The following HDAC9 variants were observed in gnomAD, a reference collection of about 807,000 sequenced individuals.
HDAC9 encodes the protein histone deacetylase 9.
A neutral mutation model predicts 139.4 loss-of-function variants in HDAC9; 41 were observed. That is an observed-to-expected ratio of 0.29 (90% confidence interval 0.23 to 0.38). The LOEUF is 0.38. HDAC9 is among the 10% of genes least tolerant of loss of function. The pLI is 1.00. For synonymous variants in HDAC9, 517 were observed against 476.2 expected (o/e 1.09, Z -1.12); for missense variants, 1,147 against 1,297.0 (o/e 0.88, Z 1.78).
chr7:18,362,491 CATT>C (rs751222140), intron 1 of HDAC9, among the ~76,000 whole-genome samples: 21 of 151,938 alleles, frequency 1.4e-4, no homozygotes, highest in Non-Finnish European at 2.4e-4. Flanking sequence ...TTCTTAAAGG[CATT>C]ATAAAAAATA....
chr7:18,288,566 T>G (rs1797601610), upstream of HDAC9, among the ~76,000 whole-genome samples: 1 of 152,204 alleles, frequency 6.6e-6, no homozygotes, highest in Non-Finnish European at 1.5e-5. Context: ...TTCCTCAATA[T>G]GTAAGTTATG....
chr7:18,856,717 G>A (rs553256888), intron 21 of HDAC9, among the ~76,000 whole-genome samples: 38 of 152,062 alleles, frequency 2.5e-4, no homozygotes, highest in Non-Finnish European at 4.7e-4. Context: ...ATTTATCTTT[G>A]GAAATAGCAC....
intron 6 of HDAC9, among the ~76,000 whole-genome samples, chr7:18,625,248 C>T (rs996078094): frequency 1.3e-5 from 2 of 152,142 alleles, no homozygotes; most frequent in African/African-American, 4.8e-5. Flanking sequence ...AGAGTACTCT[C>T]AATTTCTAAT....
chr7:18,111,893 T>C (rs374613991), intron 1 of HDAC9, among the ~76,000 whole-genome samples: 5 of 152,256 alleles, frequency 3.3e-5, no homozygotes, highest in South Asian at 2.1e-4. Context: ...AGTAGAGTGG[T>C]GTATGTACAA....
intron 1 of HDAC9, among the ~76,000 whole-genome samples, chr7:18,438,448 G>T (rs1290146938): frequency 5.3e-5 from 8 of 152,074 alleles, no homozygotes; most frequent in African/African-American, 1.9e-4. Context: ...GGACTTTTTA[G>T]AATCAATGTA....
intron 1 of HDAC9, among the ~76,000 whole-genome samples, chr7:18,161,997 T>C (rs1232819143): frequency 6.6e-6 from 1 of 152,184 alleles, no homozygotes; most frequent in Non-Finnish European, 1.5e-5. Context: ...ATTCCTTCTA[T>C]ACCTATTATT....
chr7:18,630,780 A>G (rs560261967), intron 7 of HDAC9, among the ~76,000 whole-genome samples: 4 of 152,248 alleles, frequency 2.6e-5, no homozygotes, highest in South Asian at 4.1e-4. Flanking sequence ...ATGTAAGTAA[A>G]TAAAAATCTT....
intron 12 of HDAC9, among the ~76,000 whole-genome samples, chr7:18,683,493 C>T (rs1782036821): frequency 6.6e-6 from 1 of 151,906 alleles, no homozygotes; most frequent in Non-Finnish European, 1.5e-5. Context: ...ACATCTTGTC[C>T]CTGGTTCTTC....
At chr7:18,946,955 A>G (rs371188055) in intron 23 of HDAC9, among the ~76,000 whole-genome samples, 16 of 152,072 alleles carry the variant, frequency 1.1e-4, no homozygotes, top group African/African-American at 3.1e-4. Context: ...GAATTCATAC[A>G]TAGTATAATT....
Position 18,227,600 on chromosome 7 carries a change from T to A in HDAC9, c.25+65251T>A, listed in dbSNP as rs79914446. The stretch of plus-strand genomic sequence containing the variant: ...GGTGCAGATAAAGAGCCTGGAACCA[T>A]GTCTGGTAAAACCCTTCCCAATTTA... On this transcript the variant is annotated intron_variant, in intron 2 of 12. Coordinates refer to the HDAC9 transcript ENST00000417496. Among the ~76,000 whole-genome samples the A allele has an allele frequency of 9.2e-5, 14 of 152,278 alleles. No homozygotes were observed. The East Asian group carries it at 2.1e-3, about 23-fold the overall frequency.
chr7:18,420,290 T>A (rs1204633611), intron 1 of HDAC9, among the ~76,000 whole-genome samples: 1 of 152,202 alleles, frequency 6.6e-6, no homozygotes, highest in African/African-American at 2.4e-5. Context: ...CTGCAGTTAT[T>A]TTGTTTGCAG....
intron 2 of HDAC9, among the ~76,000 whole-genome samples, chr7:18,267,056 G>A (rs1328343531): frequency 6.6e-6 from 1 of 152,072 alleles, no homozygotes; most frequent in Non-Finnish European, 1.5e-5. Flanking sequence ...AATATAAATT[G>A]TGAGGGGACC....
chr7:18,493,353 A>C (rs564432291), upstream of HDAC9, among the ~76,000 whole-genome samples: 5 of 152,082 alleles, frequency 3.3e-5, no homozygotes, highest in South Asian at 6.2e-4. Context: ...AGTAGATCAT[A>C]TTAAATTTTA....
chr7:18,576,531 G>T (rs762489118), intron 2 of HDAC9, among the ~76,000 whole-genome samples: 1 of 151,740 alleles, frequency 6.6e-6, no homozygotes, highest in Non-Finnish European at 1.5e-5. Flanking sequence ...GCATGCTGGT[G>T]CACACCTGTA....
At chr7:18,241,552 C>T (rs1038381853) in intron 2 of HDAC9, among the ~76,000 whole-genome samples, 6 of 152,024 alleles carry the variant, frequency 3.9e-5, no homozygotes, top group African/African-American at 1.5e-4. Flanking sequence ...CACAATAAGA[C>T]AAGAGAATAA....
At chr7:18,161,740 A>T (rs1787642558) in intron 1 of HDAC9, among the ~76,000 whole-genome samples, 1 of 152,030 alleles carries the variant, frequency 6.6e-6, no homozygotes, top group Admixed American at 6.6e-5. Flanking sequence ...GTTTTCTGTC[A>T]CTCTTATAGT....
intron 2 of HDAC9, among the ~76,000 whole-genome samples, chr7:18,262,774 A>C (rs1795762233): frequency 6.6e-6 from 1 of 152,188 alleles, no homozygotes; most frequent in African/African-American, 2.4e-5. Flanking sequence ...TATACTATTG[A>C]AATTAACTTG....
At chr7:18,241,230 A>G (rs1288893844) in intron 2 of HDAC9, among the ~76,000 whole-genome samples, 3 of 152,230 alleles carry the variant, frequency 2.0e-5, no homozygotes, top group African/African-American at 7.2e-5. Context: ...TTACTCCACA[A>G]AACAAAGTAT....
intron 2 of HDAC9, among the ~76,000 whole-genome samples, chr7:18,551,526 AC>A (rs1214927632): frequency 6.6e-6 from 1 of 152,150 alleles, no homozygotes; most frequent in South Asian, 2.1e-4. Flanking sequence ...TGAGATAGAA[AC>A]CCTGACAATG....
Sources: gnomAD v4.1 joint callset for allele counts (sites outside exome capture counted in the v4.1 genomes callset) on GRCh38, gnomAD v4.1.1 for gene constraint, MANE v1.5 for transcripts, NCBI Gene and HGNC (gene_info 2026-07-23, HGNC 2026-07-21) for gene names.